The following GPHN variants were observed in gnomAD, a reference collection of about 807,000 sequenced individuals.
The protein encoded by GPHN is gephyrin.
GPHN carries 17 observed loss-of-function variants against 95.5 expected under a neutral mutation model. That is an observed-to-expected ratio of 0.18 (90% CI 0.12 to 0.27). GPHN has a LOEUF of 0.27. Ranked by LOEUF, GPHN falls within the 10% of genes least tolerant of loss-of-function variation. The pLI, the probability that GPHN is intolerant of heterozygous loss-of-function variation, is 1.00. For synonymous variants in GPHN, 320 were observed against 322.5 expected (o/e 0.99, Z 0.08); for missense variants, 660 against 978.1 (o/e 0.67, Z 4.34).
the GPHN span, among the ~76,000 whole-genome samples, chr14:67,375,232 CTGTGTGTGTGTG>C: frequency 0.011 from 1,496 of 137,658 alleles, 4 homozygotes; most frequent in Middle Eastern, 0.025. Context: ...ATCCTCAGTT[CTGTGTGTGTGTG>C]TGTGTGTGTG....
At chr14:66,548,709 A>T (rs1050354056) in intron 1 of GPHN, among the ~76,000 whole-genome samples, 3 of 152,208 alleles carry the variant, frequency 2.0e-5, no homozygotes, top group African/African-American at 7.2e-5. Flanking sequence ...TCCTGATTTA[A>T]TGTGAGACAC....
intron 8 of GPHN, among the ~76,000 whole-genome samples, chr14:66,940,748 C>T (rs944605113): frequency 6.6e-6 from 1 of 152,058 alleles, no homozygotes; most frequent in Non-Finnish European, 1.5e-5. Context: ...TTTCCTAGGG[C>T]GTTGACCCAT....
At chr14:66,518,237 T>A (rs997119803) in intron 1 of GPHN, among the ~76,000 whole-genome samples, 3 of 151,952 alleles carry the variant, frequency 2.0e-5, no homozygotes, top group African/African-American at 7.2e-5. Context: ...CATTAAACAA[T>A]GTTCAGCATC....
At chr14:67,232,401 C>T in the GPHN span, among the ~76,000 whole-genome samples, 2 of 152,176 alleles carry the variant, frequency 1.3e-5, no homozygotes, top group Admixed American at 6.5e-5. Context: ...CTCCTGGAGG[C>T]AGATCCTTTA....
intron 4 of GPHN, among the ~76,000 whole-genome samples, chr14:66,861,743 A>C (rs1371942162): frequency 6.6e-6 from 1 of 152,140 alleles, no homozygotes; most frequent in African/African-American, 2.4e-5. Context: ...CTCCTGAATG[A>C]TCAATGGGTC....
At chr14:67,082,192 T>C (rs1353263022) in intron 11 of GPHN, among the ~76,000 whole-genome samples, 3 of 152,202 alleles carry the variant, frequency 2.0e-5, no homozygotes, top group Non-Finnish European at 4.4e-5. Flanking sequence ...CTTTTGGCAG[T>C]GTGGTCATTT....
the GPHN span, among the ~76,000 whole-genome samples, chr14:67,632,797 T>C: frequency 0.081 from 11,954 of 146,998 alleles, 647 homozygotes; most frequent in Non-Finnish European, 0.12. Flanking sequence ...CAGGGAGAAT[T>C]AAGCCTCTTA....
chr14:66,809,757 A>G (rs112348658), intron 3 of GPHN, among the ~76,000 whole-genome samples: 79 of 152,268 alleles, frequency 5.2e-4, no homozygotes, highest in African/African-American at 1.6e-3. Flanking sequence ...AACTGAGAGT[A>G]TGCTTTACTG....
At chr14:66,867,762 C>T (rs1200079720) in intron 4 of GPHN, among the ~76,000 whole-genome samples, 1 of 152,178 alleles carries the variant, frequency 6.6e-6, no homozygotes, top group African/African-American at 2.4e-5. Context: ...AGGATTCTCA[C>T]ATTTATGTCA....
downstream of GPHN, among the ~76,000 whole-genome samples, chr14:67,183,436 T>C (rs2083350372): frequency 6.6e-6 from 1 of 152,224 alleles, no homozygotes; most frequent in Non-Finnish European, 1.5e-5. Flanking sequence ...TTTCCTGTAT[T>C]ATAGATGAGG....
At chr14:66,826,749 C>T (rs143401817) in intron 4 of GPHN, among the ~76,000 whole-genome samples, 5 of 152,202 alleles carry the variant, frequency 3.3e-5, no homozygotes, top group Non-Finnish European at 5.9e-5. Flanking sequence ...GTTCCATCCC[C>T]TCTCAGTATT....
chr14:66,607,981 G>A (rs891620485), intron 1 of GPHN, among the ~76,000 whole-genome samples: 1 of 145,292 alleles, frequency 6.9e-6, no homozygotes, highest in African/African-American at 2.5e-5. Flanking sequence ...ATGGATTTTT[G>A]TGTCTTAATT....
At chr14:67,664,961 G>A in the GPHN span, among the ~76,000 whole-genome samples, 3 of 152,108 alleles carry the variant, frequency 2.0e-5, no homozygotes, top group African/African-American at 7.2e-5. Flanking sequence ...CCAACTCCTG[G>A]GTTCAAGTGA....
At chr14:67,214,288 T>A in the GPHN span, among the ~76,000 whole-genome samples, 2 of 152,238 alleles carry the variant, frequency 1.3e-5, no homozygotes, top group East Asian at 3.8e-4. Flanking sequence ...TTAGGGTTTT[T>A]ATGGTTCTAG....
the GPHN span, chr14:67,562,725 AGTCCCGAGCTAG>A: frequency 6.2e-7 from 1 of 1,613,368 alleles, no homozygotes; most frequent in East Asian, 2.2e-5. Context: ...CCTGAGCTGG[AGTCCCGAGCTAG>A]GTCCCGGGAG....
chr14:66,645,547 C>T (rs956139886), intron 1 of GPHN, among the ~76,000 whole-genome samples: 6 of 151,782 alleles, frequency 4.0e-5, no homozygotes, highest in African/African-American at 1.5e-4. Flanking sequence ...AAAAAGTTAG[C>T]CAGCCGTGGT....
At chr14:67,042,838 G>C (rs1233776851) in intron 10 of GPHN, among the ~76,000 whole-genome samples, 9 of 151,996 alleles carry the variant, frequency 5.9e-5, no homozygotes, top group African/African-American at 1.9e-4. Context: ...CCATTTTCAT[G>C]ATATTGGTTC....
At chr14:66,951,176 T>C (rs1187217628) in intron 8 of GPHN, among the ~76,000 whole-genome samples, 4 of 152,018 alleles carry the variant, frequency 2.6e-5, no homozygotes, top group African/African-American at 9.7e-5. Context: ...TCCACCCACC[T>C]CGGCCTCCCA....
At chr14:66,678,104 T>G (rs369663510) in intron 1 of GPHN, among the ~76,000 whole-genome samples, 1 of 152,134 alleles carries the variant, frequency 6.6e-6, no homozygotes, top group East Asian at 1.9e-4. Context: ...TTGGGGACAT[T>G]TGACCTTTCC....
Sources: allele counts gnomAD v4.1 joint callset (sites outside exome capture counted in the v4.1 genomes callset), GRCh38; gene constraint gnomAD v4.1.1; transcripts MANE v1.5; gene names NCBI Gene and HGNC (gene_info 2026-07-23, HGNC 2026-07-21).